PLXNB2: variants seen among roughly 807,000 people sequenced by gnomAD.
The protein encoded by PLXNB2 is plexin B2.
In PLXNB2, 85 loss-of-function variants were observed where a neutral mutation model predicts 202.6. The ratio of observed to expected loss-of-function variants is 0.42; its 90% CI spans 0.35 to 0.50. The LOEUF (loss-of-function observed/expected upper bound fraction) is 0.50. PLXNB2 is among the 20% of genes least tolerant of loss of function. The pLI is 0.02. For missense variants in PLXNB2, 2,063 were observed against 2,586.2 expected (o/e 0.80, Z 4.39); for synonymous variants, 1,239 against 1,137.6 (o/e 1.09, Z -1.79).
chr22:50,287,889 C>A, intron 6 of PLXNB2, 48 bp downstream of exon 6: 1 of 1,585,096 alleles, frequency 6.3e-7, no homozygotes, highest in Non-Finnish European at 8.6e-7. Flanking sequence ...CACGACCTTC[C>A]GGGATCCCAG....
In PLXNB2 at chr22:50,289,983, G is replaced by T. The variant is rs1007052945; in HGVS notation, c.602C>A (p.Thr201Lys). 5 of 1,613,366 alleles carry T rather than the reference G, an allele frequency of 3.1e-6. No individual in the cohort carries two copies. Among genetic ancestry groups the T allele is most frequent in the Non-Finnish European group, 4.2e-6 (5 of 1,180,022 alleles). Reference sequence around the variant, plus strand: ...GCCGGCCTTGTAGGTGGCGTGGTCCGTGTAGGCTTCAAAGGCCTCCCTGCT... The same window carrying T: ...GCCGGCCTTGTAGGTGGCGTGGTCCTTGTAGGCTTCAAAGGCCTCCCTGCT... ...TDSREAFEAY[T>K]DHATYKAGYL... The change falls in exon 3 of 37, where the codon ACG (threonine) becomes AAG (lysine). Residue 201 changes from threonine to lysine, a missense_variant. Thr to Lys is a moderately conservative substitution (Grantham distance 78). Transcript: ENST00000359337. This position sits in a 1 kb window ranked among gnomAD's most constrained non-coding sequence, Gnocchi z 8.0.
In PLXNB2 at chr22:50,280,605, C is replaced by G. The variant is rs746362138; in HGVS notation, c.4059G>C (p.Leu1353=). 17 of 1,612,742 alleles carry G rather than the reference C, an allele frequency of 1.1e-5. No individual in the cohort carries two copies. The East Asian group carries it at 3.3e-4, about 32-fold the overall frequency. ...SARAKVYFAS[L]LTVALHGKLE... ...GTTTCCCGTGCAGCGCCACCGTCAG[C>G]AGGGACGCGAAGTAGACCTTGGCGC... The change falls in exon 25 of 37, where the codon CTG becomes CTC. Residue 1353 remains leucine, a synonymous_variant. Transcript: ENST00000359337.
intron 1 of PLXNB2, among the ~76,000 whole-genome samples, chr22:50,302,511 G>A (rs1213498459): frequency 6.6e-6 from 1 of 152,084 alleles, no homozygotes; most frequent in East Asian, 1.9e-4. Flanking sequence ...CCCAGGTCTA[G>A]ATGTGGAACT....
At position 50,291,837 on chromosome 22, in the gene PLXNB2, G is replaced by C. The variant is rs1371925002; in HGVS notation, c.-13-1240C>G. 6.6e-6 allele frequency among the ~76,000 whole-genome samples: 1 copy of C among 152,118 alleles called. No homozygotes were observed. The highest frequency in any genetic ancestry group is 1.9e-4 in the East Asian group (1 of 5,180). ...AGTACGGGGGGCTCCCAGGTGTCCA[G>C]GGCAGCCCTGCCATGGCAGGTGCCA... On this transcript the variant is annotated intron_variant, in intron 2 of 36. Coordinates refer to ENST00000359337, the MANE Select transcript of PLXNB2 (RefSeq NM_012401.4). The surrounding 1 kb of genome is among the most constrained non-coding windows in gnomAD (Gnocchi z 4.3).
In PLXNB2 at chr22:50,281,925, C is replaced by T. The variant is rs770979139; in HGVS notation, c.3274G>A (p.Val1092Met). The stretch of plus-strand genomic sequence containing the variant: ...AAGTTCTCAAAGGTGGGGTCAGGCA[C>T]GTACTCGAAGGCCCCGGCCTCTGTT... ...LRTEAGAFEY[V>M]PDPTFENFTG... Residue 1092 changes from valine (V) to methionine (M), a missense_variant, in exon 20 of 37, where the codon GTG becomes ATG. This residue lies in a region of PLXNB2 where 760 missense variants were observed against 1,109.4 expected (regional missense o/e 0.69). Transcript: ENST00000359337. The T allele has an allele frequency of 7.4e-6, 12 of 1,613,022 alleles. No homozygotes were observed. The highest frequency in any genetic ancestry group is 3.3e-5 in the Admixed American group (2 of 60,008).
chr22:50,279,999 A>T lies in PLXNB2; in HGVS notation c.4242+6T>A. ...CAAGCCCCAGCCAGGCTGGGGTGGA[A>T]CCCACCTTGAGGTACTGGTACAGGC... On this transcript the variant is annotated splice_donor_region_variant and intron_variant, in intron 26 of 36. Coordinates refer to ENST00000359337, the MANE Select transcript of PLXNB2 (RefSeq NM_012401.4). 1 of 1,600,460 alleles carries T rather than the reference A, an allele frequency of 6.2e-7. No individual in the cohort carries two copies.
rs777192973 is a variant in PLXNB2 at position 50,287,777 on chromosome 22, C to T, written c.1498G>A (p.Glu500Lys). ...VVEGRCTRKAECPRAEEASHW... is the reference protein window; with the variant it reads ...VVEGRCTRKAKCPRAEEASHW... ...CTGGCCTCCTCGGCCCGCGGACACT[C>T]GGCCTTCCGGGTGCATCTGCAGGCG... is the stretch of plus-strand genomic sequence containing the variant. Residue 500 changes from glutamate (E) to lysine (K), a missense_variant, in exon 7 of 37, where the codon GAG (glutamate) becomes AAG (lysine). Physicochemically the swap from Glu to Lys is moderately conservative, Grantham distance 56. Transcript: ENST00000359337. 51 of 1,586,378 alleles carry T rather than the reference C, an allele frequency of 3.2e-5. No homozygotes were observed. The highest frequency in any genetic ancestry group is 6.8e-5 in the East Asian group (3 of 44,066).
At chr22:50,296,345 T>G (rs2067268271) in intron 1 of PLXNB2, among the ~76,000 whole-genome samples, 1 of 152,050 alleles carries the variant, frequency 6.6e-6, no homozygotes. Context: ...CCAGGAGGTC[T>G]AGGCTGCAGT....
chr22:50,292,415 G>C (rs989250934), intron 2 of PLXNB2, among the ~76,000 whole-genome samples: 2 of 151,106 alleles, frequency 1.3e-5, no homozygotes, highest in African/African-American at 4.9e-5. Flanking sequence ...ACATCCCTGT[G>C]TCTCTGACGG....
At position 50,289,522 on chromosome 22, in the gene PLXNB2, C is replaced by T. The variant is rs777742714; in HGVS notation, c.1063G>A (p.Ala355Thr). 27 of 1,608,104 alleles carry T rather than the reference C, an allele frequency of 1.7e-5. No homozygotes were observed. In the East Asian group the frequency reaches 2.0e-4, roughly 12 times the overall value. ...GAACACACTGAGGCCCATACCGGCGCGTGGCCGCCGCACTGGATATCGCCG... is the reference window on the plus strand; with the variant it reads ...GAACACACTGAGGCCCATACCGGCGTGTGGCCGCCGCACTGGATATCGCCG... ...FHGDIQCGGH[A>T]PGSSKSFPCG... The change falls in exon 3 of 37, where the codon GCG becomes ACG. Residue 355 changes from alanine to threonine, a missense_variant. Physicochemically the swap from Ala to Thr is moderately conservative, Grantham distance 58. This residue lies in a region of PLXNB2 where 1,303 missense variants were observed against 1,476.8 expected (regional missense o/e 0.88). Transcript: ENST00000359337. The surrounding 1 kb of genome is among the most constrained non-coding windows in gnomAD (Gnocchi z 8.0).
At chr22:50,305,028 G>C (rs978380565) in intron 1 of PLXNB2, among the ~76,000 whole-genome samples, 3 of 152,232 alleles carry the variant, frequency 2.0e-5, no homozygotes, top group Non-Finnish European at 4.4e-5. Context: ...CAGCTCAGGG[G>C]AAGGCAGCCC....
chr22:50,289,916 C>T lies in PLXNB2; in HGVS notation c.669G>A (p.Glu223=), dbSNP rs1412486290. 8 of 1,613,054 alleles carry T rather than the reference C, an allele frequency of 5.0e-6. No individual in the cohort carries two copies. Among genetic ancestry groups the T allele is most frequent in the African/African-American group, 4.0e-5 (3 of 74,936 alleles). ...TNTQQFVAAF[E]DGPYVFFVFN... is the part of the protein sequence containing the mutation. ...AGACAAAGAAGACGTAGGGGCCGTC[C>T]TCGAAGGCCGCCACGAACTGCTGTG... Residue 223 remains glutamate, a synonymous_variant, in exon 3 of 37, where the codon GAG becomes GAA. Coordinates refer to ENST00000359337, the MANE Select transcript of PLXNB2 (RefSeq NM_012401.4). This position sits in a 1 kb window ranked among gnomAD's most constrained non-coding sequence, Gnocchi z 8.0.
Position 50,276,194 on chromosome 22 carries a change from G to T in PLXNB2, c.5338-231C>A, listed in dbSNP as rs576012288. On this transcript the variant is annotated intron_variant, in intron 35 of 36. Transcript: ENST00000359337. ...TCTCCCTGTGTGACGCACGGCTGTG[G>T]ATGGACCCACAGGGACGGGTGCTGT... Among the ~76,000 whole-genome samples the T allele has an allele frequency of 9.3e-4, 141 of 152,236 alleles. 5 individuals carry two copies. Among genetic ancestry groups the T allele is most frequent in the Admixed American group, 3.7e-3 (57 of 15,280 alleles).
In PLXNB2 at chr22:50,290,395, C is replaced by G; in HGVS notation, c.190G>C (p.Glu64Gln). 6.2e-7 allele frequency: 1 copy of G among 1,612,970 alleles called. No homozygotes were observed. The highest frequency in any genetic ancestry group is 2.2e-5 in the East Asian group (1 of 44,888). Residue 64 changes from glutamate to glutamine, a missense_variant, in exon 3 of 37, where the codon GAG becomes CAG. Physicochemically the swap from Glu to Gln is conservative, Grantham distance 29. Around this residue, in one of 2 missense-constraint regions of PLXNB2, gnomAD observed 1,303 missense variants for 1,476.8 expected, o/e 0.88. Transcript: ENST00000359337. ...GCCGGGCCCGTGGCCACCTGCTGCTCCAGCTGCAGCTTCGCATCCAGCTGG... is the reference window on the plus strand; with the variant it reads ...GCCGGGCCCGTGGCCACCTGCTGCTGCAGCTGCAGCTTCGCATCCAGCTGG... ...LYQLDAKLQL[E>Q]QQVATGPALD... is the part of the protein sequence containing the mutation.
chr22:50,275,608 G>C lies in PLXNB2; in HGVS notation c.*96C>G. ...GGCTTGGGGCGCGTTCCAGGGGAGG[G>C]TGGGGGCCTCAGCCACAGCCACTCG... On this transcript the variant is annotated 3_prime_UTR_variant, in exon 37 of 37. Transcript: ENST00000359337. 1.2e-6 allele frequency: 1 copy of C among 840,128 alleles called. No individual in the cohort carries two copies. Among genetic ancestry groups the C allele is most frequent in the South Asian group, 1.7e-5 (1 of 60,280 alleles). 52.0% of individuals were successfully genotyped at this position (840,128 alleles called of 1,614,324 possible). A position where few individuals can be genotyped will look rare whatever the true frequency, so the allele number is the denominator to read the frequency against.
rs765166095 is a variant in PLXNB2, at chr22:50,284,576, T to C, written c.2178A>G (p.Pro726=). 1.2e-6 allele frequency: 2 copies of C among 1,611,284 alleles called. No individual in the cohort carries two copies. The highest frequency in any genetic ancestry group is 8.5e-7 in the Non-Finnish European group (1 of 1,178,688). The change falls in exon 12 of 37, where the codon CCA becomes CCG. Residue 726 remains proline (P), a synonymous_variant. Transcript: ENST00000359337. The surrounding 1 kb of genome is among the most constrained non-coding windows in gnomAD (Gnocchi z 8.0). ...QESGTFAFRT[P]KLSHDANETL... ...CCGGCCTGCCCTGGAGCCGTACCTT[T>C]GGGGTCCGAAAGGCGAAGGTCCCAG... is the stretch of plus-strand genomic sequence containing the variant.
At chr22:50,280,105 C>G in intron 25 of PLXNB2, 34 bp from the exon 26 acceptor site, 1 of 1,533,650 alleles carries the variant, frequency 6.5e-7, no homozygotes, top group Non-Finnish European at 8.8e-7. Flanking sequence ...ACCGAGTGAC[C>G]CCGTAGTATT....
rs914823000 is a variant in PLXNB2 at position 50,282,077 on chromosome 22, A to G, written c.3122T>C (p.Val1041Ala). The G allele has an allele frequency of 1.9e-6, 3 of 1,610,448 alleles. No homozygotes were observed. The highest frequency in any genetic ancestry group is 2.7e-5 in the African/African-American group (2 of 75,002). ...EAESLQPMTV[V>A]GTDYVFHNDT... ...ATTGTGGAACACGTAGTCTGTACCCACCACCTGCAGGCAAGTCCCAGCTGT... is the reference window on the plus strand; with the variant it reads ...ATTGTGGAACACGTAGTCTGTACCCGCCACCTGCAGGCAAGTCCCAGCTGT... The change falls in exon 20 of 37, where the codon GTG becomes GCG. Residue 1041 changes from valine (V) to alanine (A), a missense_variant. By Grantham distance (64) the Val-to-Ala change is moderately conservative (BLOSUM62 0). This residue lies in a region of PLXNB2 where 760 missense variants were observed against 1,109.4 expected (regional missense o/e 0.69). Coordinates refer to ENST00000359337, the MANE Select transcript of PLXNB2 (RefSeq NM_012401.4).
intron 1 of PLXNB2, among the ~76,000 whole-genome samples, chr22:50,304,365 A>AGTGC (rs1275282413): frequency 2.0e-5 from 3 of 152,130 alleles, no homozygotes; most frequent in Non-Finnish European, 2.9e-5. Context: ...GGGCCCAGCC[A>AGTGC]ATCCCTTCAC....
Sources: gnomAD v4.1 joint callset for allele counts (sites outside exome capture counted in the v4.1 genomes callset) on GRCh38, gnomAD v4.1.1 for gene constraint, gnomAD v4.1.1 regional missense constraint, Gnocchi (gnomAD v3.1) non-coding constraint, MANE v1.5 for transcripts, NCBI Gene and HGNC (gene_info 2026-07-23, HGNC 2026-07-21) for gene names.